Variants in CNKSR1 observed in about 807,000 individuals in gnomAD.
CNKSR1 encodes connector enhancer of kinase suppressor of Ras 1, also known as CNK homolog protein 1.
In CNKSR1, 88 loss-of-function variants were observed where a neutral mutation model predicts 95.6. The ratio of observed to expected loss-of-function variants is 0.92; its 90% CI spans 0.78 to 1.10. The LOEUF is 1.10. CNKSR1 is among the 50% of genes least tolerant of loss of function. CNKSR1 has a pLI of 0.00. For synonymous variants in CNKSR1, 355 were observed against 369.7 expected (o/e 0.96, Z 0.46); for missense variants, 836 against 912.0 (o/e 0.92, Z 1.07).
In CNKSR1 at chr1:26,180,548, G is replaced by T. The variant is rs1489228113; in HGVS notation, c.148G>T (p.Ala50Ser). 3 of 1,614,196 alleles carry T rather than the reference G, an allele frequency of 1.9e-6. No homozygotes were observed. The highest frequency in any genetic ancestry group is 1.7e-4 in the Middle Eastern group (1 of 6,050). Residue 50 changes from alanine (A) to serine (S), a missense_variant, in exon 2 of 21, where the codon GCT (alanine) becomes TCT (serine). Physicochemically the swap from Ala to Ser is moderately conservative, Grantham distance 99. Transcript: ENST00000361530. ...CTGCCCCCAAAGCCTCGAGGCTCTG[G>T]CTGTGCGGTCTCTGGGACACCAGGA... is the stretch of plus-strand genomic sequence containing the variant. Reference protein sequence around the residue: ...QLCPQSLEALAVRSLGHQELI... With the variant: ...QLCPQSLEALSVRSLGHQELI...
At position 26,184,090 on chromosome 1, in the gene CNKSR1, A is replaced by C. The variant is rs1557622255; in HGVS notation, c.875A>C (p.Asp292Ala). 1 of 1,604,070 alleles carries C rather than the reference A, an allele frequency of 6.2e-7. No homozygotes were observed. Among genetic ancestry groups the C allele is most frequent in the South Asian group, 1.1e-5 (1 of 90,620 alleles). ...CCCCAGACGCCCCCTCAGGTCCTGGACTCCCCGCACCAGAGGAGCCCATCA... is the reference window on the plus strand; with the variant it reads ...CCCCAGACGCCCCCTCAGGTCCTGGCCTCCCCGCACCAGAGGAGCCCATCA... The part of the protein sequence containing the change: ...TPPQTPPQVL[D>A]SPHQRSPSLS... The change falls in exon 10 of 21, where the codon GAC becomes GCC. Residue 292 changes from aspartate to alanine, a missense_variant. Asp to Ala is a moderately radical substitution (Grantham distance 126). Coordinates refer to ENST00000361530, the MANE Select transcript of CNKSR1 (RefSeq NM_006314.3).
At chr1:26,184,371 C>G in intron 11 of CNKSR1, 30 bp from the exon 12 acceptor site, 2 of 1,605,710 alleles carry the variant, frequency 1.2e-6, no homozygotes, top group South Asian at 1.1e-5. Flanking sequence ...GGCTCATAGA[C>G]TTTCCCTCTC....
chr1:26,182,270 C>A, intron 4 of CNKSR1, 91 bp from the exon 5 acceptor site: 1 of 1,286,576 alleles, frequency 7.8e-7, no homozygotes, highest in Non-Finnish European at 1.1e-6. Flanking sequence ...CAGGGAGGGA[C>A]TGTACGGAAT....
rs188766116 is a variant in CNKSR1 at position 26,182,276 on chromosome 1, G to A, written c.478-85G>A. On this transcript the variant is annotated intron_variant, in intron 4 of 20. Coordinates refer to ENST00000361530, the MANE Select transcript of CNKSR1 (RefSeq NM_006314.3). ...TAGGGAAGGCAGGGAGGGACTGTAC[G>A]GAATCCCACCCTGCCCCCAGGAGAA... 1.2e-3 allele frequency: 1,717 copies of A among 1,383,574 alleles called. 20 individuals are homozygous for A. The highest frequency in any genetic ancestry group is 4.1e-4 in the Non-Finnish European group (400 of 973,816). 85.7% of individuals were successfully genotyped at this position (1,383,574 alleles called of 1,614,324 possible). A position where few individuals can be genotyped will look rare whatever the true frequency, so the allele number is the denominator to read the frequency against.
Position 26,188,773 on chromosome 1 carries a change from C to T in CNKSR1, c.1692C>T (p.Asp564=), listed in dbSNP as rs141991719. The T allele has an allele frequency of 1.0e-3, 1,654 of 1,609,712 alleles. 5 individuals are homozygous for T. Among genetic ancestry groups the T allele is most frequent in the Middle Eastern group, 4.0e-3 (24 of 6,046 alleles). ...SPRTSFGSLT[D]SSEEALEGMV... is the part of the protein sequence containing the mutation. The stretch of plus-strand genomic sequence containing the variant: ...TCATCCTGCTCTTCCCTCCCACAGA[C>T]AGCAGTGAAGAGGCACTGGAAGGAA... The change falls in exon 20 of 21, where the codon GAC becomes GAT. Residue 564 remains aspartate, a splice_region_variant and synonymous_variant. Transcript: ENST00000361530.
intron 16 of CNKSR1, among the ~76,000 whole-genome samples, chr1:26,187,917 G>A (rs1158306320): frequency 1.3e-5 from 2 of 151,690 alleles, no homozygotes; most frequent in South Asian, 2.1e-4. Flanking sequence ...CACTGCACCC[G>A]GCATCTCTCT....
In CNKSR1 at chr1:26,189,790, C is replaced by T. The variant is rs749848354; in HGVS notation, c.*242C>T. On this transcript the variant is annotated 3_prime_UTR_variant, in exon 21 of 21. Coordinates refer to ENST00000361530, the MANE Select transcript of CNKSR1 (RefSeq NM_006314.3). ...GGGCCACAGCCCTGCCCCTCCAGTT[C>T]CTTGGCAGTTCTCCCCCAAACCAGG... 6.0e-5 allele frequency: 42 copies of T among 695,308 alleles called. No individual in the cohort carries two copies. The Middle Eastern group carries it at 1.1e-3, about 18-fold the overall frequency. 43.1% of individuals were successfully genotyped at this position (695,308 alleles called of 1,614,324 possible).
chr1:26,189,081 G>A (rs2088817297), intron 20 of CNKSR1, 128 bp downstream of exon 20: 19 of 1,313,860 alleles, frequency 1.4e-5, no homozygotes, highest in Non-Finnish European at 1.9e-5. Context: ...CCTGGGCTTA[G>A]CAGCTGACAG....
chr1:26,183,571 GC>G, intron 8 of CNKSR1, 157 bp downstream of exon 8: 1 of 1,019,326 alleles, frequency 9.8e-7, no homozygotes, highest in Non-Finnish European at 1.5e-6. Context: ...CCTCTGCAGA[GC>G]CCAGGTGATG....
chr1:26,182,459 T>C, intron 5 of CNKSR1, 21 bp from the exon 6 acceptor site: 1 of 1,613,256 alleles, frequency 6.2e-7, no homozygotes, highest in Non-Finnish European at 8.5e-7. Flanking sequence ...TCAGGCTACA[T>C]AGCCCGCTCC....
intron 1 of CNKSR1, among the ~76,000 whole-genome samples, chr1:26,179,350 G>A (rs887664874): frequency 6.6e-6 from 1 of 152,172 alleles, no homozygotes; most frequent in Non-Finnish European, 1.5e-5. Flanking sequence ...AGGCTTCCTG[G>A]AGGAAGTTAG....
At chr1:26,180,367 G>A (rs2088623209) in intron 1 of CNKSR1, 86 bp from the exon 2 acceptor site, 10 of 1,530,644 alleles carry the variant, frequency 6.5e-6, no homozygotes, top group African/African-American at 1.4e-5. Context: ...TAGACTAGAG[G>A]GAAAAGAGCT....
intron 14 of CNKSR1, chr1:26,186,770 G>A (rs374311216): frequency 5.3e-5 from 14 of 264,150 alleles, no homozygotes; most frequent in East Asian, 9.8e-5. Context: ...CACCACACCC[G>A]ACCTAAGTTT....
rs140685957 is a variant in CNKSR1, at chr1:26,180,836, T to G, written c.332T>G (p.Val111Gly). ...LGDCAKTPID[V>G]LCAAVELLHE... ...GACTGTGCCAAGACCCCTATTGATG[T>G]CCTCTGTGCAGCTGTGGAGCTGTTG... The change falls in exon 3 of 21, where the codon GTC (valine) becomes GGC (glycine). Residue 111 changes from valine (V) to glycine (G), a missense_variant. Transcript: ENST00000361530. 1.0e-4 allele frequency: 164 copies of G among 1,614,072 alleles called. No homozygotes were observed. The highest frequency in any genetic ancestry group is 1.3e-4 in the Non-Finnish European group (159 of 1,180,034).
Position 26,181,890 on chromosome 1 carries a change from A to G in CNKSR1, c.426A>G (p.Ala142=), listed in dbSNP as rs1439966020. The G allele has an allele frequency of 8.1e-6, 13 of 1,613,944 alleles. No individual in the cohort carries two copies. Among genetic ancestry groups the G allele is most frequent in the South Asian group, 3.3e-5 (3 of 91,082 alleles). Residue 142 remains alanine (A), a synonymous_variant, in exon 4 of 21, where the codon GCA becomes GCG. Transcript: ENST00000361530. ...TCTCCCACTTAAATGATTTCTCAGC[A>G]TGCCAGGAGATCCGAGACTTGTTGG... ...YLFSHLNDFS[A]CQEIRDLLEE... is the part of the protein sequence containing the mutation.
intron 3 of CNKSR1, 184 bp downstream of exon 3, chr1:26,181,080 G>A: frequency 1.4e-6 from 1 of 690,446 alleles, no homozygotes; most frequent in South Asian, 1.6e-5. Context: ...AGGAGTTGGA[G>A]ACCAGCCTGG....
At chr1:26,189,102 T>A in intron 20 of CNKSR1, 149 bp downstream of exon 20, 1 of 1,291,518 alleles carries the variant, frequency 7.7e-7, no homozygotes. Context: ...CGGGCTCAGC[T>A]GTGGACTGGG....
intron 15 of CNKSR1, 58 bp downstream of exon 15, chr1:26,187,299 G>A: frequency 6.3e-7 from 1 of 1,590,912 alleles, no homozygotes; most frequent in East Asian, 2.2e-5. Context: ...GAGGAAGGGT[G>A]ATGGGGTAGC....
rs1445705921 is a variant in CNKSR1 at position 26,181,855 on chromosome 1, A to G, written c.393-2A>G. On this transcript the variant is annotated splice_acceptor_variant, in intron 3 of 20. Coordinates refer to ENST00000361530, the MANE Select transcript of CNKSR1 (RefSeq NM_006314.3). LOFTEE classifies it high-confidence loss of function. ...ACCACTGTGCTATTCTTCCCCTGCC[A>G]GGTACCTCTTCTCCCACTTAAATGA... The G allele has an allele frequency of 3.1e-6, 5 of 1,613,946 alleles. No homozygotes were observed. Among genetic ancestry groups the G allele is most frequent in the Middle Eastern group, 1.7e-4 (1 of 6,058 alleles).
Sources: allele counts gnomAD v4.1 joint callset (sites outside exome capture counted in the v4.1 genomes callset), GRCh38; gene constraint gnomAD v4.1.1; transcripts MANE v1.5; gene names NCBI Gene and HGNC (gene_info 2026-07-23, HGNC 2026-07-21).